ASF1A: variants seen among roughly 807,000 people sequenced by gnomAD.
ASF1A encodes the protein anti-silencing function 1A histone chaperone, also known as histone chaperone ASF1A.
A neutral mutation model predicts 22.0 loss-of-function variants in ASF1A; 5 were observed. The ratio of observed to expected loss-of-function variants is 0.23; its 90% CI spans 0.12 to 0.48. ASF1A has a LOEUF of 0.48. Ranked by LOEUF, ASF1A falls within the 20% of genes least tolerant of loss-of-function variation. The pLI is 0.99. For synonymous variants in ASF1A, 97 were observed against 86.7 expected (o/e 1.12, Z -0.66); for missense variants, 137 against 240.6 (o/e 0.57, Z 2.85).
chr6:118,907,361 TTC>T, intron 3 of ASF1A, 39 bp from the exon 4 acceptor site: 5 of 1,404,482 alleles, frequency 3.6e-6, no homozygotes, highest in Non-Finnish European at 4.9e-6. Flanking sequence ...TGATTTAACT[TTC>T]TTAGTGTTTA....
intron 1 of ASF1A, among the ~76,000 whole-genome samples, chr6:118,897,557 A>G (rs1188684431): frequency 6.6e-6 from 1 of 152,144 alleles, no homozygotes; most frequent in Non-Finnish European, 1.5e-5. Flanking sequence ...TCCAAAGCCT[A>G]CATACTTTCC....
intron 2 of ASF1A, among the ~76,000 whole-genome samples, 172 bp from the exon 3 acceptor site, chr6:118,905,480 T>C (rs1374563615): frequency 6.6e-6 from 1 of 152,228 alleles, no homozygotes; most frequent in Non-Finnish European, 1.5e-5. Context: ...GAACTGTCTT[T>C]TCCAGCTTAT....
At position 118,907,552 on chromosome 6, in the gene ASF1A, G is replaced by C. The variant is rs1222801902; in HGVS notation, c.553G>C (p.Gly185Arg). Residue 185 changes from glycine to arginine, a missense_variant, in exon 4 of 4, where the codon GGA (glycine) becomes CGA (arginine). Physicochemically the swap from Gly to Arg is moderately radical, Grantham distance 125. Around this residue, in one of 2 missense-constraint regions of ASF1A, gnomAD observed 41 missense variants for 43.9 expected, o/e 0.93. Coordinates refer to ENST00000229595, the MANE Select transcript of ASF1A (RefSeq NM_014034.3). Reference protein sequence around the residue: ...STDALPSASKGWSTSENSLNV... With the variant: ...STDALPSASKRWSTSENSLNV... ...AGATGCATTACCTTCAGCATCAAAG[G>C]GATGGTCCACATCAGAAAACTCACT... The C allele has an allele frequency of 6.2e-7, 1 of 1,613,622 alleles. No homozygotes were observed.
intron 1 of ASF1A, among the ~76,000 whole-genome samples, chr6:118,899,971 C>T (rs1297387353): frequency 6.6e-6 from 1 of 152,152 alleles, no homozygotes; most frequent in East Asian, 1.9e-4. Context: ...AAGAGTTCTA[C>T]TCATCTCTGG....
At chr6:118,902,528 CTTTTTTT>C (rs33980013) in intron 2 of ASF1A, among the ~76,000 whole-genome samples, 3 of 131,524 alleles carry the variant, frequency 2.3e-5, no homozygotes, top group South Asian at 2.4e-4. Flanking sequence ...ACTGATAATA[CTTTTTTT>C]TTTTTTTTTT....
chr6:118,907,801 T>C lies in ASF1A; in HGVS notation c.*187T>C. The C allele has an allele frequency of 3.8e-6, 2 of 522,818 alleles. No individual in the cohort carries two copies. Among genetic ancestry groups the C allele is most frequent in the Middle Eastern group, 1.0e-3 (2 of 1,974 alleles). 32.4% of individuals were successfully genotyped at this position (522,818 alleles called of 1,614,324 possible). On this transcript the variant is annotated 3_prime_UTR_variant, in exon 4 of 4. Transcript: ENST00000229595. ...TATAAATACAACTATTTTTAAGTAATTTTTTTCTCTAATGTGTTATTTTAT... is the reference window on the plus strand; with the variant it reads ...TATAAATACAACTATTTTTAAGTAACTTTTTTCTCTAATGTGTTATTTTAT...
At chr6:118,895,478 T>A (rs1779329723) in intron 1 of ASF1A, among the ~76,000 whole-genome samples, 1 of 152,234 alleles carries the variant, frequency 6.6e-6, no homozygotes, top group South Asian at 2.1e-4. Flanking sequence ...CAAGACCGTG[T>A]TGAAATCTAA....
At chr6:118,902,305 T>G (rs181116515) in intron 2 of ASF1A, among the ~76,000 whole-genome samples, 1 of 152,226 alleles carries the variant, frequency 6.6e-6, no homozygotes, top group Admixed American at 6.5e-5. Context: ...GTGGATAATA[T>G]TCTATCTCAT....
chr6:118,904,998 C>A (rs867917375), intron 2 of ASF1A, among the ~76,000 whole-genome samples: 1 of 152,102 alleles, frequency 6.6e-6, no homozygotes, highest in Non-Finnish European at 1.5e-5. Flanking sequence ...CCACCATGCC[C>A]AGCTAATTTT....
chr6:118,900,612 A>T (rs910639939), intron 1 of ASF1A, among the ~76,000 whole-genome samples, 154 bp from the exon 2 acceptor site: 3 of 152,192 alleles, frequency 2.0e-5, no homozygotes, highest in African/African-American at 7.2e-5. Context: ...TCTGGTAGGA[A>T]CTTTATAAGG....
At chr6:118,901,941 A>C (rs1779820539) in intron 2 of ASF1A, among the ~76,000 whole-genome samples, 2 of 152,204 alleles carry the variant, frequency 1.3e-5, no homozygotes, top group Admixed American at 1.3e-4. Flanking sequence ...ACTTAGACAC[A>C]TGCCATCTCT....
At position 118,906,175 on chromosome 6, in the gene ASF1A, C is replaced by T. The variant is rs142853433; in HGVS notation, c.402+347C>T. Among the ~76,000 whole-genome samples, 361 of 152,200 alleles carry T rather than the reference C, an allele frequency of 2.4e-3. 1 individual carries two copies. The highest frequency in any genetic ancestry group is 7.6e-3 in the African/African-American group (314 of 41,530). ...GCAACCTCTGCCTCCTAGGTTCAAG[C>T]GATTCTCCTGTCTCAGCCTCCCAAG... On this transcript the variant is annotated intron_variant, in intron 3 of 3. Coordinates refer to ENST00000229595, the MANE Select transcript of ASF1A (RefSeq NM_014034.3).
intron 1 of ASF1A, among the ~76,000 whole-genome samples, chr6:118,900,277 G>A (rs1779717706): frequency 6.6e-6 from 1 of 152,104 alleles, no homozygotes. Flanking sequence ...TTCTACTTTG[G>A]AGCTCTGTGA....
intron 1 of ASF1A, among the ~76,000 whole-genome samples, chr6:118,896,024 CT>C (rs1253990862): frequency 6.7e-6 from 1 of 148,358 alleles, no homozygotes; most frequent in Admixed American, 6.7e-5. Context: ...ACAATTATTA[CT>C]TTAACATGTG....
At chr6:118,900,023 TC>T (rs1474648840) in intron 1 of ASF1A, among the ~76,000 whole-genome samples, 3 of 152,352 alleles carry the variant, frequency 2.0e-5, no homozygotes, top group Non-Finnish European at 4.4e-5. Context: ...CTCAGTAAAA[TC>T]CGCTATATTG....
chr6:118,900,564 A>G (rs1272207413), intron 1 of ASF1A, among the ~76,000 whole-genome samples: 1 of 152,222 alleles, frequency 6.6e-6, no homozygotes, highest in African/African-American at 2.4e-5. Context: ...AGTGTTTCAC[A>G]AAAGAGTATT....
chr6:118,895,901 A>C (rs901584733), intron 1 of ASF1A, among the ~76,000 whole-genome samples: 1 of 152,124 alleles, frequency 6.6e-6, no homozygotes, highest in Non-Finnish European at 1.5e-5. Context: ...GGTTAATTTT[A>C]ATTATAAAAC....
Position 118,907,469 on chromosome 6 carries a change from C to T in ASF1A, c.470C>T (p.Thr157Ile), listed in dbSNP as rs1428049298. ...TTCCACATTAATTGGGAAGATAACA[C>T]AGAAAAACTGGAAGATGCAGAGAGC... ...TRFHINWEDNTEKLEDAESSN... is the reference protein window; with the variant it reads ...TRFHINWEDNIEKLEDAESSN... Residue 157 changes from threonine to isoleucine, a missense_variant, in exon 4 of 4, where the codon ACA becomes ATA. Coordinates refer to ENST00000229595, the MANE Select transcript of ASF1A (RefSeq NM_014034.3). The T allele has an allele frequency of 9.3e-6, 15 of 1,613,020 alleles. No individual in the cohort carries two copies. Among genetic ancestry groups the T allele is most frequent in the Non-Finnish European group, 1.2e-5 (14 of 1,179,462 alleles).
chr6:118,898,488 G>A (rs972670818), intron 1 of ASF1A, among the ~76,000 whole-genome samples: 2 of 150,002 alleles, frequency 1.3e-5, no homozygotes, highest in East Asian at 2.0e-4. Context: ...GCAGTGGCGC[G>A]ATCTCGGCTC....
Sources: allele counts gnomAD v4.1 joint callset (sites outside exome capture counted in the v4.1 genomes callset), GRCh38; gene constraint gnomAD v4.1.1; regional missense constraint gnomAD v4.1.1; transcripts MANE v1.5; gene names NCBI Gene and HGNC (gene_info 2026-07-23, HGNC 2026-07-21).